PTPN14: variants seen among roughly 807,000 people sequenced by gnomAD.
The protein encoded by PTPN14 is tyrosine-protein phosphatase non-receptor type 14.
PTPN14 carries 53 observed loss-of-function variants against 126.8 expected under a neutral mutation model. The ratio of observed to expected loss-of-function variants is 0.42; its 90% CI spans 0.34 to 0.53. The LOEUF (loss-of-function observed/expected upper bound fraction) is 0.53. PTPN14 is among the 20% of genes least tolerant of loss of function. The pLI is 0.08. For missense variants in PTPN14, 1,257 were observed against 1,552.9 expected, an observed-to-expected ratio of 0.81 and a Z score of 3.20; for synonymous variants, 630 against 599.3, an observed-to-expected ratio of 1.05 and a Z score of -0.75.
chr1:214,493,513 A>G (rs962430590), intron 1 of PTPN14, among the ~76,000 whole-genome samples: 1 of 152,236 alleles, frequency 6.6e-6, no homozygotes, highest in Non-Finnish European at 1.5e-5. Flanking sequence ...ATATATACTT[A>G]CTATGTACCC....
intron 1 of PTPN14, among the ~76,000 whole-genome samples, chr1:214,470,490 A>G (rs563678196): frequency 6.6e-6 from 1 of 152,092 alleles, no homozygotes; most frequent in African/African-American, 2.4e-5. Context: ...CCACGTAAAA[A>G]CACTGCACTT....
intron 3 of PTPN14, among the ~76,000 whole-genome samples, chr1:214,416,530 A>G (rs1012001164): frequency 2.6e-5 from 4 of 152,300 alleles, no homozygotes; most frequent in Admixed American, 2.6e-4. Context: ...CTATCCTAGG[A>G]AACAGTGACT....
chr1:214,488,389 C>A (rs1661161646), intron 1 of PTPN14, among the ~76,000 whole-genome samples: 1 of 152,104 alleles, frequency 6.6e-6, no homozygotes, highest in South Asian at 2.1e-4. Context: ...TCACAAAGCC[C>A]ACCTACCATA....
rs376578581 is a variant in PTPN14 at position 214,413,850 on chromosome 1, T to A, written c.442+779A>T. ...TGCTTGGCTAATTCTTGTATTTTTA[T>A]TAGAGACAAGGTTTTACCATGTTGG... On this transcript the variant is annotated intron_variant, in intron 4 of 18. Transcript: ENST00000366956. Among the ~76,000 whole-genome samples, 103 of 152,106 alleles carry A rather than the reference T, an allele frequency of 6.8e-4. 2 individuals are homozygous for A. Among genetic ancestry groups the A allele is most frequent in the East Asian group, 5.8e-3 (30 of 5,134 alleles).
intron 1 of PTPN14, among the ~76,000 whole-genome samples, chr1:214,523,660 G>C (rs1290548682): frequency 6.6e-6 from 1 of 152,142 alleles, no homozygotes; most frequent in Non-Finnish European, 1.5e-5. Context: ...GGGGCCCTGA[G>C]TGCAGTTTCA....
At chr1:214,412,593 A>T (rs566453820) in intron 4 of PTPN14, among the ~76,000 whole-genome samples, 16 of 152,322 alleles carry the variant, frequency 1.1e-4, no homozygotes, top group Admixed American at 7.2e-4. Flanking sequence ...TTCCAAGTTC[A>T]ATAATTGGTT....
intron 2 of PTPN14, among the ~76,000 whole-genome samples, chr1:214,464,337 T>C (rs564136927): frequency 6.6e-6 from 1 of 151,974 alleles, no homozygotes; most frequent in South Asian, 2.1e-4. Flanking sequence ...AGAAGATGAC[T>C]TTGGTGGGGA....
At chr1:214,507,487 TAGA>T (rs1447963685) in intron 1 of PTPN14, among the ~76,000 whole-genome samples, 2 of 152,246 alleles carry the variant, frequency 1.3e-5, no homozygotes, top group African/African-American at 4.8e-5. Flanking sequence ...TAGCTCATCC[TAGA>T]AGAACACTTT....
chr1:214,372,176 A>G (rs1216069350), intron 16 of PTPN14: 2 of 157,010 alleles, frequency 1.3e-5, no homozygotes, highest in Non-Finnish European at 2.8e-5. Context: ...CAGAAAAACT[A>G]TGTTTGGCTT....
intron 3 of PTPN14, among the ~76,000 whole-genome samples, chr1:214,432,637 A>G (rs1659820765): frequency 6.6e-6 from 1 of 152,252 alleles, no homozygotes. Context: ...AATGAAAATG[A>G]ATGATCTCTA....
intron 3 of PTPN14, among the ~76,000 whole-genome samples, chr1:214,433,943 CACACACACAAAAAAAAAAAAAAAAA>C (rs1263259031): frequency 5.6e-5 from 1 of 18,000 alleles, no homozygotes; most frequent in Non-Finnish European, 1.0e-4. Flanking sequence ...CACACACACA[CACACACACAAAAAAAAAAAAAAAAA>C]AAAACTCAAA....
intron 14 of PTPN14, among the ~76,000 whole-genome samples, chr1:214,377,049 C>T (rs556427720): frequency 6.6e-6 from 1 of 152,326 alleles, no homozygotes; most frequent in South Asian, 2.1e-4. Context: ...AAGGATCCAC[C>T]TTTCTTCGCT....
chr1:214,546,425 T>C (rs143619262), intron 1 of PTPN14, among the ~76,000 whole-genome samples: 2 of 152,274 alleles, frequency 1.3e-5, no homozygotes, highest in East Asian at 1.9e-4. Context: ...AAAGTACACA[T>C]TTCATACGAA....
chr1:214,530,389 T>C (rs1655513761), intron 1 of PTPN14: 1 of 149,592 alleles, frequency 6.7e-6, no homozygotes, highest in African/African-American at 2.5e-5. Context: ...CCCAGGCTGG[T>C]GTGCATCAGT....
At chr1:214,447,240 C>T (rs945260106) in intron 3 of PTPN14, among the ~76,000 whole-genome samples, 1 of 152,118 alleles carries the variant, frequency 6.6e-6, no homozygotes, top group African/African-American at 2.4e-5. Context: ...GCTGAGCTGC[C>T]TGGAAGGCAG....
intron 17 of PTPN14, among the ~76,000 whole-genome samples, chr1:214,367,842 C>T (rs938127884): frequency 1.3e-5 from 2 of 152,184 alleles, no homozygotes; most frequent in South Asian, 2.1e-4. Context: ...CTGAGTACGT[C>T]GGAAGTGAAG....
At chr1:214,373,601 AC>A (rs1212869312) in intron 15 of PTPN14, among the ~76,000 whole-genome samples, 22 of 140,158 alleles carry the variant, frequency 1.6e-4, no homozygotes, top group Non-Finnish European at 2.0e-4. Context: ...ACACACACAC[AC>A]ACACACCTGG....
At position 214,364,806 on chromosome 1, in the gene PTPN14, T is replaced by TGTG. The variant is rs1553258555; in HGVS notation, c.3272-132_3272-131insCAC. ...GTGTGTGTGTGTGTGTGTGTGTGTG[T>TGTG]TTTAAGTGACAATAATTTATAGTTC... On this transcript the variant is annotated intron_variant, in intron 17 of 18. Transcript: ENST00000366956. The surrounding 1 kb of genome is among the most constrained non-coding windows in gnomAD (Gnocchi z 4.1). 3.5e-4 allele frequency: 302 copies of TGTG among 859,090 alleles called. 1 individual carries two copies. Among genetic ancestry groups the TGTG allele is most frequent in the African/African-American group, 3.3e-3 (189 of 57,400 alleles). 53.2% of individuals were successfully genotyped at this position (859,090 alleles called of 1,614,324 possible).
At chr1:214,420,878 C>T (rs1335698735) in intron 3 of PTPN14, among the ~76,000 whole-genome samples, 1 of 152,164 alleles carries the variant, frequency 6.6e-6, no homozygotes, top group East Asian at 1.9e-4. Flanking sequence ...AACATGCCAA[C>T]AGAAGTAGAA....
Sources: allele counts gnomAD v4.1 joint callset (sites outside exome capture counted in the v4.1 genomes callset), GRCh38; gene constraint gnomAD v4.1.1; non-coding constraint Gnocchi (gnomAD v3.1); transcripts MANE v1.5; gene names NCBI Gene and HGNC (gene_info 2026-07-23, HGNC 2026-07-21).